NKAIN3: variants seen among roughly 807,000 people sequenced by gnomAD.
NKAIN3 encodes the protein sodium/potassium transporting ATPase interacting 3, also known as sodium/potassium-transporting ATPase subunit beta-1-interacting protein 3.
NKAIN3 carries 25 observed loss-of-function variants against 30.2 expected under a neutral mutation model. The observed-to-expected ratio is 0.83, with a 90% confidence interval of 0.60 to 1.16. The LOEUF is 1.16. NKAIN3 is among the 50% of genes most tolerant of loss of function. The pLI, the probability that NKAIN3 is intolerant of heterozygous loss-of-function variation, is 0.00. For missense variants in NKAIN3, 225 were observed against 254.1 expected, an observed-to-expected ratio of 0.89 and a Z score of 0.78; for synonymous variants, 91 against 89.6, an observed-to-expected ratio of 1.02 and a Z score of -0.09.
At chr8:62,896,389 C>A (rs1015138604) in intron 4 of NKAIN3, among the ~76,000 whole-genome samples, 1 of 152,138 alleles carries the variant, frequency 6.6e-6, no homozygotes, top group Non-Finnish European at 1.5e-5. Flanking sequence ...GGGACACAAG[C>A]ATTCAGTTCA....
chr8:62,566,628 T>G (rs1760908589), intron 1 of NKAIN3, among the ~76,000 whole-genome samples: 1 of 152,156 alleles, frequency 6.6e-6, no homozygotes, highest in Non-Finnish European at 1.5e-5. Flanking sequence ...TCTCTCCATC[T>G]AGTCATCTGT....
intron 3 of NKAIN3, among the ~76,000 whole-genome samples, chr8:62,740,866 G>A (rs1815841780): frequency 6.6e-6 from 1 of 151,890 alleles, no homozygotes; most frequent in South Asian, 2.1e-4. Flanking sequence ...ATATTTTAGG[G>A]AAAAGGTAGA....
intron 1 of NKAIN3, among the ~76,000 whole-genome samples, chr8:62,303,128 C>T (rs1585655476): frequency 2.0e-5 from 3 of 150,418 alleles, no homozygotes; most frequent in Admixed American, 6.6e-5. Flanking sequence ...AAAATGTGTT[C>T]TCCAGCAGTT....
At chr8:62,754,362 G>GCACACACA (rs35621967) in intron 4 of NKAIN3, among the ~76,000 whole-genome samples, 20 of 149,504 alleles carry the variant, frequency 1.3e-4, no homozygotes, top group Admixed American at 1.0e-3. Flanking sequence ...GTTGATTAGT[G>GCACACACA]CACACACACA....
intron 3 of NKAIN3, among the ~76,000 whole-genome samples, chr8:62,707,691 C>T (rs10808725): frequency 0.74 from 112,409 of 152,036 alleles, 43,870 homozygotes; most frequent in Non-Finnish European, 0.87. Context: ...TTAACTCTGC[C>T]GACTGTTCCT....
intron 4 of NKAIN3, among the ~76,000 whole-genome samples, chr8:62,796,789 T>TACATACACACACACACAC: frequency 6.8e-6 from 1 of 146,160 alleles, no homozygotes; most frequent in South Asian, 2.2e-4. Flanking sequence ...GTATCACACA[T>TACATACACACACACACAC]ACACACACAC....
chr8:62,465,586 T>G (rs577014141), intron 1 of NKAIN3, among the ~76,000 whole-genome samples: 256 of 152,308 alleles, frequency 1.7e-3, no homozygotes, highest in African/African-American at 5.8e-3. Flanking sequence ...CAGTAAACCA[T>G]CCAATGTCTC....
chr8:62,995,193 C>T (rs539606231), intron 5 of NKAIN3, among the ~76,000 whole-genome samples: 83 of 152,294 alleles, frequency 5.4e-4, no homozygotes, highest in Non-Finnish European at 1.8e-4. Flanking sequence ...AAGCAGATGG[C>T]TTATGTATAT....
At chr8:62,587,902 T>C (rs1810528936) in intron 2 of NKAIN3, among the ~76,000 whole-genome samples, 1 of 152,030 alleles carries the variant, frequency 6.6e-6, no homozygotes, top group Admixed American at 6.6e-5. Flanking sequence ...ACCAAGTTTG[T>C]GCTATGATCT....
chr8:62,592,205 C>T (rs1810673669), intron 3 of NKAIN3, among the ~76,000 whole-genome samples: 1 of 152,008 alleles, frequency 6.6e-6, no homozygotes, highest in Non-Finnish European at 1.5e-5. Context: ...CTTTTGCTGA[C>T]AATTTGCATT....
chr8:62,654,661 A>G (rs1422126221), intron 3 of NKAIN3, among the ~76,000 whole-genome samples: 7 of 152,190 alleles, frequency 4.6e-5, no homozygotes, highest in African/African-American at 2.4e-5. Flanking sequence ...TTCGTTTAAA[A>G]TATAGACCAA....
At chr8:62,720,230 C>T (rs554575180) in intron 3 of NKAIN3, among the ~76,000 whole-genome samples, 35 of 152,176 alleles carry the variant, frequency 2.3e-4, no homozygotes, top group African/African-American at 8.4e-4. Flanking sequence ...ATAAATAGTC[C>T]AGAATGCCTT....
chr8:62,386,931 GAGAGAGAGAGAA>G (rs1251189371), intron 1 of NKAIN3, among the ~76,000 whole-genome samples: 1 of 151,902 alleles, frequency 6.6e-6, no homozygotes, highest in African/African-American at 2.4e-5. Context: ...GAGAGAGAGA[GAGAGAGAGAGAA>G]AGAGAGAGAG....
chr8:62,560,818 G>A (rs187585641), intron 1 of NKAIN3, among the ~76,000 whole-genome samples: 412 of 152,154 alleles, frequency 2.7e-3, no homozygotes, highest in African/African-American at 8.5e-3. Flanking sequence ...TGGGATTACA[G>A]GGGTGAGCCA....
chr8:62,528,688 C>G (rs1808394214), intron 1 of NKAIN3, among the ~76,000 whole-genome samples: 1 of 152,074 alleles, frequency 6.6e-6, no homozygotes, highest in Admixed American at 6.6e-5. Context: ...TCTTAGACAG[C>G]AGACACTATA....
chr8:62,613,591 CT>C (rs1811357190), intron 3 of NKAIN3, among the ~76,000 whole-genome samples: 1 of 151,956 alleles, frequency 6.6e-6, no homozygotes, highest in African/African-American at 2.4e-5. Flanking sequence ...TGTTATTATC[CT>C]TTTGAGTAAA....
downstream of NKAIN3, among the ~76,000 whole-genome samples, chr8:62,986,549 T>C (rs1824203316): frequency 6.6e-6 from 1 of 152,158 alleles, no homozygotes; most frequent in Non-Finnish European, 1.5e-5. Flanking sequence ...ACGACACATA[T>C]TAGATGTTCC....
intron 3 of NKAIN3, among the ~76,000 whole-genome samples, chr8:62,673,981 C>G (rs928615801): frequency 3.9e-5 from 6 of 152,186 alleles, no homozygotes; most frequent in Non-Finnish European, 2.9e-5. Flanking sequence ...TTTCCAGGTT[C>G]TAGTGGAAGG....
At chr8:62,488,868 C>T (rs1210738628) in intron 1 of NKAIN3, among the ~76,000 whole-genome samples, 2 of 152,100 alleles carry the variant, frequency 1.3e-5, no homozygotes, top group Non-Finnish European at 2.9e-5. Flanking sequence ...ATTGGTTCAA[C>T]TTTTGCTCTG....
Sources: allele counts gnomAD v4.1 joint callset (sites outside exome capture counted in the v4.1 genomes callset), GRCh38; gene constraint gnomAD v4.1.1; transcripts MANE v1.5; gene names NCBI Gene and HGNC (gene_info 2026-07-23, HGNC 2026-07-21).